The following SPATA6L variants were observed in gnomAD, a reference collection of about 807,000 sequenced individuals.
The protein encoded by SPATA6L is spermatogenesis associated 6 like, also known as spermatogenesis associated 6-like protein.
SPATA6L carries 68 observed loss-of-function variants against 49.2 expected under a neutral mutation model. The ratio of observed to expected loss-of-function variants is 1.38; its 90% CI spans 1.14 to 1.69. The LOEUF (loss-of-function observed/expected upper bound fraction) is 1.69. SPATA6L is among the 40% of genes most tolerant of loss of function. The probability of loss-of-function intolerance (pLI) is 0.00; values close to 1 mark genes in which losing one functional copy is unlikely to be tolerated. For missense variants in SPATA6L, 668 were observed against 464.3 expected, an observed-to-expected ratio of 1.44 and a Z score of -4.03; for synonymous variants, 198 against 165.7, an observed-to-expected ratio of 1.19 and a Z score of -1.50.
intron 9 of SPATA6L, among the ~76,000 whole-genome samples, chr9:4,607,755 G>C (rs1281686389): frequency 2.0e-5 from 3 of 152,184 alleles, no homozygotes; most frequent in South Asian, 2.1e-4. Context: ...AAAATAACCA[G>C]CTAACATCAT....
At chr9:4,604,382 A>G in intron 10 of SPATA6L, 113 bp from the exon 11 acceptor site, 1 of 649,746 alleles carries the variant, frequency 1.5e-6, no homozygotes, top group Non-Finnish European at 2.7e-6. Context: ...TTATGCCGTT[A>G]TATGGGGTTC....
Position 4,590,285 on chromosome 9 carries a change from C to T in SPATA6L, c.*255-1324G>A, listed in dbSNP as rs546380745. ...AGTGTACCTAAGTGTATAAAGTTATCCATCAAGGATGGAAATGATCGGGAC... is the reference window on the plus strand; with the variant it reads ...AGTGTACCTAAGTGTATAAAGTTATTCATCAAGGATGGAAATGATCGGGAC... On this transcript the variant is annotated intron_variant and NMD_transcript_variant, in intron 13 of 13. Transcript: ENST00000461761. Among the ~76,000 whole-genome samples, 4 of 152,294 alleles carry T rather than the reference C, an allele frequency of 2.6e-5. No individual in the cohort carries two copies. The South Asian group carries it at 6.2e-4, about 24-fold the overall frequency.
chr9:4,660,477 A>G (rs912988609), intron 2 of SPATA6L, among the ~76,000 whole-genome samples: 4 of 152,246 alleles, frequency 2.6e-5, no homozygotes, highest in Non-Finnish European at 5.9e-5. Context: ...CAAAACCACA[A>G]TGAGATACCA....
chr9:4,601,138 C>T (rs192096712), intron 11 of SPATA6L, among the ~76,000 whole-genome samples: 49 of 152,286 alleles, frequency 3.2e-4, no homozygotes, highest in African/African-American at 1.1e-3. Flanking sequence ...AGCTGTTAAA[C>T]GTGTTCCAAT....
intron 3 of SPATA6L, among the ~76,000 whole-genome samples, chr9:4,636,112 C>CTTTTT (rs143583775): frequency 2.4e-4 from 35 of 148,248 alleles, no homozygotes; most frequent in African/African-American, 7.6e-4. Flanking sequence ...AACACAAAGC[C>CTTTTT]TTTTTTTTTT....
At chr9:4,638,505 G>A (rs10116331) in intron 3 of SPATA6L, among the ~76,000 whole-genome samples, 21,532 of 151,864 alleles carry the variant, frequency 0.14, 2,360 homozygotes, top group African/African-American at 0.3. Context: ...GAGCCACCAC[G>A]CCCAGCCAAT....
At chr9:4,653,016 T>A (rs1837283254) in intron 3 of SPATA6L, among the ~76,000 whole-genome samples, 1 of 152,154 alleles carries the variant, frequency 6.6e-6, no homozygotes, top group Non-Finnish European at 1.5e-5. Context: ...ATTGACAAGA[T>A]GATTGAAAAA....
At chr9:4,644,338 G>A (rs577044783) in intron 3 of SPATA6L, among the ~76,000 whole-genome samples, 5 of 150,972 alleles carry the variant, frequency 3.3e-5, no homozygotes, top group African/African-American at 1.2e-4. Context: ...GTGAGATCTT[G>A]TCTCAAAAAA....
At chr9:4,658,017 C>A (rs1838708660) in intron 2 of SPATA6L, among the ~76,000 whole-genome samples, 1 of 152,108 alleles carries the variant, frequency 6.6e-6, no homozygotes, top group Non-Finnish European at 1.5e-5. Context: ...ATTACACTGC[C>A]ACAAGCCAAG....
Position 4,662,012 on chromosome 9 carries a change from G to A in SPATA6L, c.64C>T (p.Pro22Ser). ...RAISCPGVFLPGKQDVYLGVY... is the reference protein window; with the variant it reads ...RAISCPGVFLSGKQDVYLGVY... Reference sequence around the variant, plus strand: ...CCGAGGTACACATCTTGTTTGCCAGGCAGGAACACTCCTGGGCAAGAAATC... The same window carrying A: ...CCGAGGTACACATCTTGTTTGCCAGACAGGAACACTCCTGGGCAAGAAATC... The change falls in exon 2 of 12, where the codon CCT becomes TCT. Residue 22 changes from proline to serine, a missense_variant. Physicochemically the swap from Pro to Ser is moderately conservative, Grantham distance 74 (BLOSUM62 -1). Coordinates refer to ENST00000682582, the MANE Select transcript of SPATA6L (RefSeq NM_001353486.2). This position sits in a 1 kb window ranked among gnomAD's most constrained non-coding sequence, Gnocchi z 4.9. The A allele has an allele frequency of 2.5e-6, 4 of 1,614,056 alleles. No homozygotes were observed. The highest frequency in any genetic ancestry group is 2.5e-6 in the Non-Finnish European group (3 of 1,179,964).
At chr9:4,607,793 A>G (rs2130186182) in intron 9 of SPATA6L, among the ~76,000 whole-genome samples, 1 of 152,268 alleles carries the variant, frequency 6.6e-6, no homozygotes, top group Non-Finnish European at 1.5e-5. Context: ...CACACATAAC[A>G]ATATTAATTT....
chr9:4,621,703 G>C (rs1188684949), intron 7 of SPATA6L, among the ~76,000 whole-genome samples: 1 of 152,192 alleles, frequency 6.6e-6, no homozygotes, highest in Admixed American at 6.5e-5. Context: ...GGTCAGGCTA[G>C]TCTCAAACTC....
intron 9 of SPATA6L, among the ~76,000 whole-genome samples, chr9:4,616,747 G>A (rs907567785): frequency 9.2e-5 from 14 of 152,206 alleles, no homozygotes; most frequent in Admixed American, 2.0e-4. Flanking sequence ...CACTATGCCC[G>A]GCTAATTTTG....
Position 4,660,833 on chromosome 9 carries a change from G to A in SPATA6L, c.177+1066C>T, listed in dbSNP as rs576203638. 4.7e-3 allele frequency among the ~76,000 whole-genome samples: 719 copies of A among 152,230 alleles called. 9 individuals carry two copies. Among genetic ancestry groups the A allele is most frequent in the African/African-American group, 0.016 (675 of 41,526 alleles). On this transcript the variant is annotated intron_variant, in intron 2 of 11. Transcript: ENST00000682582. The stretch of plus-strand genomic sequence containing the variant: ...TAAGAAAATGTGGCACATATACACC[G>A]TGGAATACTATGCAGCCATAAAAAA...
Position 4,625,422 on chromosome 9 carries a change from T to C in SPATA6L, c.574A>G (p.Thr192Ala), listed in dbSNP as rs751004679. The C allele has an allele frequency of 6.2e-7, 1 of 1,614,156 alleles. No individual in the cohort carries two copies. The highest frequency in any genetic ancestry group is 1.1e-5 in the South Asian group (1 of 91,074). The change falls in exon 6 of 12, where the codon ACC becomes GCC. Residue 192 changes from threonine (T) to alanine (A), a missense_variant. Transcript: ENST00000682582. ...MQARAPSQYS[T>A]RHFFQDQPAQ... Reference sequence around the variant, plus strand: ...GGCTGGTCCTGGAAGAAATGCCTGGTAGAATATTGAGAGGGCGCCCGGGCT... The same window carrying C: ...GGCTGGTCCTGGAAGAAATGCCTGGCAGAATATTGAGAGGGCGCCCGGGCT...
chr9:4,658,361 C>T lies in SPATA6L; in HGVS notation c.178-2272G>A, dbSNP rs574886296. 8.5e-5 allele frequency among the ~76,000 whole-genome samples: 13 copies of T among 152,148 alleles called. No individual in the cohort carries two copies. In the East Asian group the frequency reaches 1.4e-3, roughly 16 times the overall value. On this transcript the variant is annotated intron_variant, in intron 2 of 11. Transcript: ENST00000682582. ...TCCATTTTGAATTACACAGAAGATC[C>T]GAGGAAAAGAAAATTTTTTCACTAC...
intron 4 of SPATA6L, among the ~76,000 whole-genome samples, chr9:4,630,391 A>G (rs1320482085): frequency 6.6e-6 from 1 of 152,220 alleles, no homozygotes; most frequent in Non-Finnish European, 1.5e-5. Flanking sequence ...AAATGGCACC[A>G]CAGGGACAGG....
chr9:4,657,198 G>C (rs112905926), intron 2 of SPATA6L, among the ~76,000 whole-genome samples: 1 of 120,446 alleles, frequency 8.3e-6, no homozygotes, highest in Admixed American at 8.4e-5. Flanking sequence ...GATTTAAATG[G>C]TATTCAAACT....
At chr9:4,601,441 G>A (rs1823245383) in intron 11 of SPATA6L, among the ~76,000 whole-genome samples, 1 of 151,734 alleles carries the variant, frequency 6.6e-6, no homozygotes, top group Non-Finnish European at 1.5e-5. Flanking sequence ...AATATACAAG[G>A]GATACTCTGT....
Sources: allele counts gnomAD v4.1 joint callset (sites outside exome capture counted in the v4.1 genomes callset), GRCh38; gene constraint gnomAD v4.1.1; non-coding constraint Gnocchi (gnomAD v3.1); transcripts MANE v1.5; gene names NCBI Gene and HGNC (gene_info 2026-07-23, HGNC 2026-07-21).